LRRTM4: variants seen among roughly 807,000 people sequenced by gnomAD.
The protein encoded by LRRTM4 is leucine-rich repeat transmembrane neuronal protein 4.
Under a neutral mutation model 47.6 loss-of-function variants are expected in LRRTM4, and 25 were observed. The observed-to-expected ratio is 0.53, with a 90% confidence interval of 0.38 to 0.73. The LOEUF (loss-of-function observed/expected upper bound fraction) is 0.73, where lower values mean the gene tolerates loss of function less well. Ranked by LOEUF, LRRTM4 falls within the 30% of genes least tolerant of loss-of-function variation. LRRTM4 has a pLI of 0.00. For missense variants in LRRTM4, 638 were observed against 713.4 expected (o/e 0.89, Z 1.20); for synonymous variants, 311 against 269.5 (o/e 1.15, Z -1.51).
intron 3 of LRRTM4, among the ~76,000 whole-genome samples, chr2:77,382,322 TA>T (rs1673085231): frequency 6.6e-6 from 1 of 152,114 alleles, no homozygotes; most frequent in Non-Finnish European, 1.5e-5. Flanking sequence ...AATTTGCTTT[TA>T]ACCATATAAT....
At chr2:77,241,588 T>C (rs946808212) in intron 3 of LRRTM4, among the ~76,000 whole-genome samples, 2 of 151,724 alleles carry the variant, frequency 1.3e-5, no homozygotes, top group Admixed American at 6.6e-5. Flanking sequence ...AAATAACCTA[T>C]TGAATAGAGA....
chr2:76,754,421 T>C (rs1672956848), intron 3 of LRRTM4, among the ~76,000 whole-genome samples: 1 of 152,046 alleles, frequency 6.6e-6, no homozygotes, highest in Non-Finnish European at 1.5e-5. Flanking sequence ...AGAAAGGATA[T>C]AATGGCTAAA....
chr2:77,251,470 C>G (rs1675615331), intron 3 of LRRTM4, among the ~76,000 whole-genome samples: 1 of 151,870 alleles, frequency 6.6e-6, no homozygotes, highest in African/African-American at 2.4e-5. Context: ...AATATGTGTA[C>G]TTGAATTCAC....
At chr2:77,033,041 C>T (rs142578381) in intron 3 of LRRTM4, among the ~76,000 whole-genome samples, 8 of 152,028 alleles carry the variant, frequency 5.3e-5, no homozygotes, top group African/African-American at 1.4e-4. Flanking sequence ...AAATATCTCT[C>T]GGGACAATCA....
intron 3 of LRRTM4, among the ~76,000 whole-genome samples, chr2:77,116,364 T>C (rs930666805): frequency 3.9e-5 from 6 of 152,026 alleles, no homozygotes; most frequent in Middle Eastern, 3.4e-3. Flanking sequence ...ATATAAGAAC[T>C]CACTCAAATT....
At chr2:77,466,882 A>T (rs1213184926) in intron 3 of LRRTM4, among the ~76,000 whole-genome samples, 1 of 151,950 alleles carries the variant, frequency 6.6e-6, no homozygotes, top group Non-Finnish European at 1.5e-5. Context: ...TATTTTAAGT[A>T]GAGACGGGAT....
intron 3 of LRRTM4, among the ~76,000 whole-genome samples, chr2:77,313,358 G>GTTTTCCTGGGACCTGTTACTGTGATATA (rs1677519152): frequency 1.7e-4 from 15 of 86,146 alleles, no homozygotes; most frequent in African/African-American, 1.2e-3. Context: ...GCTGGGATGT[G>GTTTTCCTGGGACCTGTTACTGTGATATA]CCTCCCTACC....
chr2:76,954,693 T>G (rs1675612408), intron 3 of LRRTM4, among the ~76,000 whole-genome samples: 1 of 151,576 alleles, frequency 6.6e-6, no homozygotes, highest in Admixed American at 6.6e-5. Context: ...AAAAACCCAG[T>G]GAATTAGAAC....
intron 3 of LRRTM4, among the ~76,000 whole-genome samples, chr2:76,955,087 CTT>C (rs1675627400): frequency 6.6e-6 from 1 of 151,702 alleles, no homozygotes; most frequent in African/African-American, 2.4e-5. Context: ...AAAGGGAACT[CTT>C]CATGTTAAAA....
intron 3 of LRRTM4, among the ~76,000 whole-genome samples, chr2:77,283,622 A>G (rs1342942716): frequency 6.6e-6 from 1 of 152,136 alleles, no homozygotes; most frequent in African/African-American, 2.4e-5. Context: ...CATATACACC[A>G]TGGAATACCA....
chr2:76,831,804 A>C lies in LRRTM4; in HGVS notation c.1552-82888T>G, dbSNP rs186834572. Among the ~76,000 whole-genome samples, 681 of 152,204 alleles carry C rather than the reference A, an allele frequency of 4.5e-3. 4 individuals carry two copies. Among genetic ancestry groups the C allele is most frequent in the African/African-American group, 0.016 (652 of 41,548 alleles). ...TCTTTCCCATCCTTAATGAGAATTT[A>C]GCTTTTTTTAAAAAAAATTGTATGT... On this transcript the variant is annotated intron_variant, in intron 3 of 3. Coordinates refer to ENST00000409884, the MANE Select transcript of LRRTM4 (RefSeq NM_001134745.3).
chr2:77,154,268 T>A (rs1468174678), intron 3 of LRRTM4, among the ~76,000 whole-genome samples: 1 of 152,194 alleles, frequency 6.6e-6, no homozygotes, highest in South Asian at 2.1e-4. Flanking sequence ...AGGCAAACTA[T>A]TCAGAGTTTT....
At chr2:77,189,228 C>A (rs1382852836) in intron 3 of LRRTM4, among the ~76,000 whole-genome samples, 1 of 152,116 alleles carries the variant, frequency 6.6e-6, no homozygotes, top group Non-Finnish European at 1.5e-5. Flanking sequence ...AAATAACTTA[C>A]AAATATTTGC....
At chr2:77,376,418 T>C (rs1672843090) in intron 3 of LRRTM4, among the ~76,000 whole-genome samples, 1 of 151,514 alleles carries the variant, frequency 6.6e-6, no homozygotes, top group African/African-American at 2.4e-5. Context: ...AAGATTTTTT[T>C]TTTTTTGCTA....
chr2:76,756,027 C>A (rs2104067177), intron 3 of LRRTM4, among the ~76,000 whole-genome samples: 1 of 152,178 alleles, frequency 6.6e-6, no homozygotes, highest in East Asian at 1.9e-4. Context: ...TGCTTTGTGG[C>A]AATAAGATAC....
At chr2:76,904,333 T>A (rs538367133) in intron 3 of LRRTM4, among the ~76,000 whole-genome samples, 1 of 152,330 alleles carries the variant, frequency 6.6e-6, no homozygotes, top group East Asian at 1.9e-4. Flanking sequence ...CCACACCAGA[T>A]TTGATTCAGA....
intron 3 of LRRTM4, among the ~76,000 whole-genome samples, chr2:77,038,406 TTTTG>T (rs1678907494): frequency 6.6e-6 from 1 of 151,592 alleles, no homozygotes; most frequent in Non-Finnish European, 1.5e-5. Context: ...TTTCGATTTG[TTTTG>T]TTTTTCACAA....
intron 3 of LRRTM4, among the ~76,000 whole-genome samples, chr2:77,130,387 A>G (rs1385040521): frequency 6.6e-6 from 1 of 152,088 alleles, no homozygotes; most frequent in Non-Finnish European, 1.5e-5. Context: ...AGGGTGTGGC[A>G]GACAGCTTTA....
chr2:77,040,446 A>G (rs796614670), intron 3 of LRRTM4, among the ~76,000 whole-genome samples: 4 of 151,502 alleles, frequency 2.6e-5, no homozygotes, highest in African/African-American at 9.6e-5. Flanking sequence ...AAATTGATAA[A>G]TTTCAATGAA....
Sources: allele counts gnomAD v4.1 joint callset (sites outside exome capture counted in the v4.1 genomes callset), GRCh38; gene constraint gnomAD v4.1.1; transcripts MANE v1.5; gene names NCBI Gene and HGNC (gene_info 2026-07-23, HGNC 2026-07-21).